The following CHD4 variants were observed in gnomAD, a reference collection of about 807,000 sequenced individuals.
CHD4 encodes chromodomain helicase DNA binding protein 4, also known as ATP-dependent chromatin remodeler CHD4.
A neutral mutation model predicts 235.5 loss-of-function variants in CHD4; 35 were observed. The observed-to-expected ratio is 0.15, with a 90% CI of 0.11 to 0.20. The LOEUF (loss-of-function observed/expected upper bound fraction) is 0.20, where lower values mean the gene tolerates loss of function less well. Ranked by LOEUF, CHD4 falls within the 10% of genes least tolerant of loss-of-function variation. The pLI is 1.00. For synonymous variants in CHD4, 900 were observed against 850.2 expected, an observed-to-expected ratio of 1.06 and a Z score of -1.02; for missense variants, 1,329 against 2,432.3, an observed-to-expected ratio of 0.55 and a Z score of 9.54.
intron 1 of CHD4, 122 bp from the exon 2 acceptor site, chr12:6,606,573 CA>C: frequency 2.0e-6 from 1 of 492,306 alleles, no homozygotes; most frequent in Non-Finnish European, 3.6e-6. Flanking sequence ...CCGAACCGCT[CA>C]GGCTGAACTT....
At chr12:6,602,324 G>A in intron 3 of CHD4, 52 bp downstream of exon 3, 1 of 1,610,190 alleles carries the variant, frequency 6.2e-7, no homozygotes, top group Non-Finnish European at 8.5e-7. Context: ...ACCCTTCTCA[G>A]AGCTCCTCCC....
At chr12:6,587,278 G>C (rs1948316212) in intron 25 of CHD4, 106 bp downstream of exon 25, 1 of 1,104,284 alleles carries the variant, frequency 9.1e-7, no homozygotes. Flanking sequence ...ATCAACATAA[G>C]AATTTGCCTA....
intron 37 of CHD4, 65 bp from the exon 38 acceptor site, chr12:6,573,334 C>A (rs923341824): frequency 2.3e-6 from 3 of 1,332,062 alleles, no homozygotes; most frequent in South Asian, 1.7e-5. Flanking sequence ...TTCTGACTGG[C>A]CTCTCAGCTC....
chr12:6,599,501 G>A (rs1948553509), intron 10 of CHD4, among the ~76,000 whole-genome samples: 1 of 152,100 alleles, frequency 6.6e-6, no homozygotes, highest in Non-Finnish European at 1.5e-5. Flanking sequence ...AGACCCTGAG[G>A]CAGGGTGTCA....
intron 20 of CHD4, 26 bp downstream of exon 20, chr12:6,591,890 G>T (rs1948407259): frequency 1.9e-6 from 3 of 1,614,100 alleles, no homozygotes; most frequent in Non-Finnish European, 2.5e-6. Context: ...CCAACCCAGG[G>T]AGGAACAGGA....
Position 6,600,652 on chromosome 12 carries a change from T to G in CHD4, c.945A>C (p.Leu315Phe), listed in dbSNP as rs866728153. 1.9e-6 allele frequency: 3 copies of G among 1,613,966 alleles called. No individual in the cohort carries two copies. Among genetic ancestry groups the G allele is most frequent in the Admixed American group, 1.7e-5 (1 of 59,986 alleles). The change falls in exon 8 of 40, where the codon TTA (leucine) becomes TTC (phenylalanine). Residue 315 changes from leucine (L) to phenylalanine (F), a missense_variant. Coordinates refer to ENST00000544040, the MANE Select transcript of CHD4 (RefSeq NM_001273.5). ...RKRSSSEDDD[L>F]DVESDFDDAS... Reference sequence around the variant, plus strand: ...CATCATCGAAGTCAGATTCCACATCTAAGTCATCATCCTCACTCTGGCAGG... The same window carrying G: ...CATCATCGAAGTCAGATTCCACATCGAAGTCATCATCCTCACTCTGGCAGG...
chr12:6,571,049 A>C lies in CHD4; in HGVS notation c.5558-17T>G. ...GTTTCAGAACTGCATAGGGAGAAAA[A>C]GAGGTGGTGAGCTGTGGTGGCCCAG... On this transcript the variant is annotated splice_polypyrimidine_tract_variant and intron_variant, in intron 38 of 39. Transcript: ENST00000544040. The C allele has an allele frequency of 6.2e-7, 1 of 1,612,548 alleles. No homozygotes were observed. Among genetic ancestry groups the C allele is most frequent in the South Asian group, 1.1e-5 (1 of 90,928 alleles).
At position 6,588,450 on chromosome 12, in the gene CHD4, G is replaced by C. The variant is rs768412958; in HGVS notation, c.3341-28C>G. The C allele has an allele frequency of 9.3e-6, 15 of 1,609,108 alleles. No individual in the cohort carries two copies. The Admixed American group carries it at 1.2e-4, about 13-fold the overall frequency. ...AATAAAAGAACCAAAAACACCATTA[G>C]AAGTGTCTCCTAAATTCCAATTCAT... On this transcript the variant is annotated intron_variant, in intron 22 of 39. Coordinates refer to ENST00000544040, the MANE Select transcript of CHD4 (RefSeq NM_001273.5).
At chr12:6,596,525 C>T (rs575434974) in intron 12 of CHD4, among the ~76,000 whole-genome samples, 8 of 151,146 alleles carry the variant, frequency 5.3e-5, no homozygotes, top group African/African-American at 7.3e-5. Context: ...TCAGGCCGGG[C>T]GCGGTGGCTC....
chr12:6,591,031 G>A (rs983886685), intron 22 of CHD4, among the ~76,000 whole-genome samples: 16 of 148,272 alleles, frequency 1.1e-4, no homozygotes, highest in African/African-American at 2.5e-4. Flanking sequence ...GCTGAGGCAG[G>A]AGAACTGCTT....
At chr12:6,575,051 T>C (rs1176768122) in intron 37 of CHD4, among the ~76,000 whole-genome samples, 1 of 152,204 alleles carries the variant, frequency 6.6e-6, no homozygotes, top group East Asian at 1.9e-4. Context: ...TCCTAACTTA[T>C]TCATTTATGT....
intron 37 of CHD4, among the ~76,000 whole-genome samples, chr12:6,576,022 G>A (rs17790300): frequency 0.031 from 4,679 of 150,894 alleles, 269 homozygotes; most frequent in East Asian, 0.26. Flanking sequence ...TGTGAGTTCC[G>A]TCCCTACTCC....
Position 6,581,831 on chromosome 12 carries a change from A to G in CHD4, c.4516-17T>C, listed in dbSNP as rs1156568678. 4 of 1,507,434 alleles carry G rather than the reference A, an allele frequency of 2.7e-6. No homozygotes were observed. Among genetic ancestry groups the G allele is most frequent in the African/African-American group, 1.4e-5 (1 of 71,444 alleles). The allele number at this position is 1,507,434 out of a possible 1,614,324, so 93.4% of individuals were successfully genotyped here. ...CTCCTGAACCTGTAGCAATGGGACA[A>G]GAAGTTGAAGACCCAATTCCAGCTA... On this transcript the variant is annotated splice_polypyrimidine_tract_variant and intron_variant, in intron 30 of 39. Coordinates refer to ENST00000544040, the MANE Select transcript of CHD4 (RefSeq NM_001273.5).
At chr12:6,580,049 CCGTCTCA>C (rs1452297443) in intron 33 of CHD4, among the ~76,000 whole-genome samples, 1 of 134,842 alleles carries the variant, frequency 7.4e-6, no homozygotes, top group Non-Finnish European at 1.5e-5. Context: ...AAGCGAGACT[CCGTCTCA>C]AAAAAAAAAA....
At chr12:6,596,896 T>G (rs968496017) in intron 12 of CHD4, among the ~76,000 whole-genome samples, 1 of 147,606 alleles carries the variant, frequency 6.8e-6, no homozygotes, top group Non-Finnish European at 1.5e-5. Flanking sequence ...GAGGCGGAGG[T>G]TGCAGTGAGC....
At chr12:6,577,260 A>G (rs1948086544) in intron 37 of CHD4, among the ~76,000 whole-genome samples, 1 of 144,336 alleles carries the variant, frequency 6.9e-6, no homozygotes, top group Non-Finnish European at 1.6e-5. Context: ...TCTCTACTAA[A>G]AATCCAAAAA....
intron 2 of CHD4, among the ~76,000 whole-genome samples, chr12:6,605,139 T>C (rs1948668452): frequency 6.6e-6 from 1 of 152,026 alleles, no homozygotes; most frequent in African/African-American, 2.4e-5. Flanking sequence ...TGTGAAAGCA[T>C]CTCTCCCAGA....
chr12:6,582,903 T>C lies in CHD4; in HGVS notation c.4181A>G (p.Asn1394Ser). Residue 1394 changes from asparagine (N) to serine (S), a missense_variant, in exon 28 of 40, where the codon AAT becomes AGT. By Grantham distance (46) the Asn-to-Ser change is conservative (BLOSUM62 1). Around this residue, in one of 26 missense-constraint regions of CHD4, gnomAD observed 46 missense variants for 85.6 expected, o/e 0.54. Coordinates refer to ENST00000544040, the MANE Select transcript of CHD4 (RefSeq NM_001273.5). ...PRRPSRKGLR[N>S]DKDKPLPPLL... The stretch of plus-strand genomic sequence containing the variant: ...AGGAGGCAATGGCTTATCTTTATCA[T>C]TCCGCAGGCCCTTACGACTGGGCCT... 6.2e-7 allele frequency: 1 copy of C among 1,614,018 alleles called. No homozygotes were observed. The highest frequency in any genetic ancestry group is 8.5e-7 in the Non-Finnish European group (1 of 1,180,034).
chr12:6,582,970 G>A (rs1565606025), intron 27 of CHD4, 34 bp from the exon 28 acceptor site: 2 of 1,609,264 alleles, frequency 1.2e-6, no homozygotes, highest in Non-Finnish European at 1.7e-6. Flanking sequence ...AGTGACACAG[G>A]TAGGATATTA....
Sources: gnomAD v4.1 joint callset for allele counts (sites outside exome capture counted in the v4.1 genomes callset) on GRCh38, gnomAD v4.1.1 for gene constraint, gnomAD v4.1.1 regional missense constraint, MANE v1.5 for transcripts, NCBI Gene and HGNC (gene_info 2026-07-23, HGNC 2026-07-21) for gene names.